TSPAN12: variants seen among roughly 807,000 people sequenced by gnomAD.
The protein encoded by TSPAN12 is tetraspanin-12.
TSPAN12 carries 19 observed loss-of-function variants against 39.2 expected under a neutral mutation model. The observed-to-expected ratio is 0.49, with a 90% CI of 0.34 to 0.71. The LOEUF is 0.71. Among genes scored for constraint, TSPAN12 ranks in the 30% least tolerant of loss-of-function variants. The probability of loss-of-function intolerance (pLI) is 0.01; values close to 1 mark genes in which losing one functional copy is unlikely to be tolerated. For synonymous variants in TSPAN12, 119 were observed against 124.8 expected (o/e 0.95, Z 0.31); for missense variants, 314 against 359.9 (o/e 0.87, Z 1.03).
At chr7:120,824,059 T>C (rs1481810385) in intron 4 of TSPAN12, among the ~76,000 whole-genome samples, 3 of 152,126 alleles carry the variant, frequency 2.0e-5, no homozygotes, top group African/African-American at 7.2e-5. Context: ...CAGTCTTCCT[T>C]TCCCTAAATG....
At chr7:120,796,236 T>C (rs1003543745) in intron 7 of TSPAN12, among the ~76,000 whole-genome samples, 2 of 152,158 alleles carry the variant, frequency 1.3e-5, no homozygotes, top group Non-Finnish European at 2.9e-5. Context: ...TTTGCATCTA[T>C]AAGAAGTTAG....
intron 4 of TSPAN12, among the ~76,000 whole-genome samples, chr7:120,824,985 A>G (rs1794257460): frequency 6.6e-6 from 1 of 152,214 alleles, no homozygotes; most frequent in African/African-American, 2.4e-5. Flanking sequence ...TTACAAAGAG[A>G]GGACTCTATG....
intron 2 of TSPAN12, among the ~76,000 whole-genome samples, chr7:120,853,847 C>G (rs941209750): frequency 1.4e-5 from 2 of 144,834 alleles, no homozygotes; most frequent in Non-Finnish European, 3.0e-5. Flanking sequence ...GGACTGCAGC[C>G]TGGTGACAGA....
chr7:120,809,436 T>C (rs1193887781), intron 6 of TSPAN12, among the ~76,000 whole-genome samples: 1 of 152,150 alleles, frequency 6.6e-6, no homozygotes, highest in African/African-American at 2.4e-5. Context: ...AGCACTTAAA[T>C]AAACAGGAAA....
rs1189494807 is a variant in TSPAN12, at chr7:120,841,957, T to C, written c.67-1848A>G. Among the ~76,000 whole-genome samples the C allele has an allele frequency of 2.0e-5, 3 of 152,348 alleles. No homozygotes were observed. In the East Asian group the frequency reaches 5.8e-4, roughly 29 times the overall value. ...CTGCATATTATTAACCCCTAAGTTC[T>C]GAATGTCTTTCCTATTTTGATGGAA... On this transcript the variant is annotated intron_variant, in intron 2 of 7. Transcript: ENST00000222747.
At chr7:120,847,677 C>A (rs1034449003) in intron 2 of TSPAN12, among the ~76,000 whole-genome samples, 1 of 152,188 alleles carries the variant, frequency 6.6e-6, no homozygotes, top group African/African-American at 2.4e-5. Context: ...AATTCCTCCC[C>A]CTTTTCTGCC....
At chr7:120,832,700 C>T (rs1271306219) in intron 4 of TSPAN12, among the ~76,000 whole-genome samples, 1 of 151,852 alleles carries the variant, frequency 6.6e-6, no homozygotes, top group Admixed American at 6.6e-5. Flanking sequence ...AAGTAACTAT[C>T]ATGGATGGGT....
At position 120,838,302 on chromosome 7, in the gene TSPAN12, C is replaced by G. The variant is rs900845732; in HGVS notation, c.285+475G>C. 3.9e-5 allele frequency among the ~76,000 whole-genome samples: 6 copies of G among 152,218 alleles called. No individual in the cohort carries two copies. The East Asian group carries it at 1.2e-3, about 29-fold the overall frequency. On this transcript the variant is annotated intron_variant, in intron 4 of 7. Coordinates refer to ENST00000222747, the MANE Select transcript of TSPAN12 (RefSeq NM_012338.4). The stretch of plus-strand genomic sequence containing the variant: ...ACTCTCAGAGTTAAAAAAACAACAA[C>G]CAAGATTATAGAAACTGAGACTCGC...
chr7:120,836,016 A>C (rs906788948), intron 4 of TSPAN12, among the ~76,000 whole-genome samples: 2 of 152,158 alleles, frequency 1.3e-5, no homozygotes, highest in Admixed American at 6.5e-5. Flanking sequence ...AGGTGTTGGT[A>C]CATACTTCAT....
At chr7:120,823,761 T>C (rs1217063289) in intron 4 of TSPAN12, among the ~76,000 whole-genome samples, 2 of 152,176 alleles carry the variant, frequency 1.3e-5, no homozygotes, top group East Asian at 3.8e-4. Context: ...AATTGCCTCA[T>C]GGGTGTGGAA....
intron 7 of TSPAN12, among the ~76,000 whole-genome samples, chr7:120,789,542 C>T (rs925275163): frequency 6.6e-6 from 1 of 152,120 alleles, no homozygotes; most frequent in Non-Finnish European, 1.5e-5. Flanking sequence ...GACAACTCAC[C>T]AAAATTTAAG....
chr7:120,844,487 A>G (rs1794636023), intron 2 of TSPAN12, among the ~76,000 whole-genome samples: 1 of 152,228 alleles, frequency 6.6e-6, no homozygotes. Context: ...CCAATATACA[A>G]TGGAGGTACA....
At chr7:120,845,529 AAC>A (rs1415864197) in intron 2 of TSPAN12, among the ~76,000 whole-genome samples, 2 of 152,320 alleles carry the variant, frequency 1.3e-5, no homozygotes, top group East Asian at 3.9e-4. Flanking sequence ...CCAAATCTTA[AAC>A]ACTTTCCTGC....
intron 7 of TSPAN12, among the ~76,000 whole-genome samples, chr7:120,800,744 G>GTT (rs148802163): frequency 0.51 from 59,575 of 117,136 alleles, 20,384 homozygotes; most frequent in Middle Eastern, 0.69. Context: ...TTTCCTTATC[G>GTT]TTTTTTTTTG....
intron 7 of TSPAN12, among the ~76,000 whole-genome samples, chr7:120,798,734 G>A (rs1793682456): frequency 6.6e-6 from 1 of 152,016 alleles, no homozygotes; most frequent in Non-Finnish European, 1.5e-5. Context: ...TGTAAATGTG[G>A]CCCTTCTCAC....
chr7:120,819,769 T>C (rs757815263), intron 4 of TSPAN12, among the ~76,000 whole-genome samples: 3 of 152,148 alleles, frequency 2.0e-5, no homozygotes, highest in Non-Finnish European at 4.4e-5. Context: ...ACCATCTGCA[T>C]CTACCCCTAA....
intron 5 of TSPAN12, among the ~76,000 whole-genome samples, chr7:120,814,956 G>T (rs1463946651): frequency 1.3e-5 from 2 of 152,198 alleles, no homozygotes; most frequent in African/African-American, 4.8e-5. Flanking sequence ...CTAGTCATCT[G>T]TTCACTATTG....
chr7:120,844,578 C>T (rs1794637249), intron 2 of TSPAN12, among the ~76,000 whole-genome samples: 1 of 152,330 alleles, frequency 6.6e-6, no homozygotes, highest in East Asian at 1.9e-4. Context: ...AAGTCCCAAA[C>T]CCAGCAGGGC....
rs79850862 is a variant in TSPAN12 at position 120,808,749 on chromosome 7, A to G, written c.468+1714T>C. On this transcript the variant is annotated intron_variant, in intron 6 of 7. Coordinates refer to ENST00000222747, the MANE Select transcript of TSPAN12 (RefSeq NM_012338.4). The stretch of plus-strand genomic sequence containing the variant: ...GTGCATAGAATTGCACTGAATGAGG[A>G]GCAAAGGAGACTGGCACCTGATAAA... Among the ~76,000 whole-genome samples, 1,391 of 152,246 alleles carry G rather than the reference A, an allele frequency of 9.1e-3. 22 individuals carry two copies. The highest frequency in any genetic ancestry group is 0.032 in the African/African-American group (1,330 of 41,536).
Sources: gnomAD v4.1 joint callset for allele counts (sites outside exome capture counted in the v4.1 genomes callset) on GRCh38, gnomAD v4.1.1 for gene constraint, MANE v1.5 for transcripts, NCBI Gene and HGNC (gene_info 2026-07-23, HGNC 2026-07-21) for gene names.